Variants in FAM227B observed in about 807,000 individuals in gnomAD.
FAM227B encodes protein FAM227B.
FAM227B carries 88 observed loss-of-function variants against 73.8 expected under a neutral mutation model. The observed-to-expected ratio is 1.19, with a 90% CI of 1.00 to 1.42. The LOEUF (loss-of-function observed/expected upper bound fraction) is 1.42, where lower values mean the gene tolerates loss of function less well. Ranked by LOEUF, FAM227B falls within the 40% of genes most tolerant of loss-of-function variation. FAM227B has a pLI of 0.00. For synonymous variants in FAM227B, 210 were observed against 190.5 expected, an observed-to-expected ratio of 1.10 and a Z score of -0.84; for missense variants, 632 against 590.9, an observed-to-expected ratio of 1.07 and a Z score of -0.72.
intron 3 of FAM227B, among the ~76,000 whole-genome samples, chr15:49,593,006 A>G (rs2076673905): frequency 6.6e-6 from 1 of 152,204 alleles, no homozygotes; most frequent in Non-Finnish European, 1.5e-5. Context: ...CACAGGAGAG[A>G]ATCTCCTGGT....
chr15:49,593,585 CA>C (rs982009726), intron 3 of FAM227B, among the ~76,000 whole-genome samples: 14 of 152,104 alleles, frequency 9.2e-5, no homozygotes, highest in Middle Eastern at 6.8e-3. Context: ...TTTTGTACCT[CA>C]ACCCCCGAAC....
At chr15:49,520,670 C>A (rs1335238643) in intron 10 of FAM227B, among the ~76,000 whole-genome samples, 1 of 152,140 alleles carries the variant, frequency 6.6e-6, no homozygotes, top group Non-Finnish European at 1.5e-5. Context: ...CTTTATAAAA[C>A]CATCAGATCT....
At chr15:49,549,482 C>A (rs975063044) in intron 9 of FAM227B, among the ~76,000 whole-genome samples, 1 of 152,058 alleles carries the variant, frequency 6.6e-6, no homozygotes, top group Non-Finnish European at 1.5e-5. Context: ...CCTGGCCTTC[C>A]ACAGTGTTTG....
At chr15:49,337,508 CTTTTTTTTTTTTTT>C (rs33973907) in intron 13 of FAM227B, among the ~76,000 whole-genome samples, 1 of 36,080 alleles carries the variant, frequency 2.8e-5, no homozygotes, top group Admixed American at 3.3e-4. Context: ...CATTTACCCA[CTTTTTTTTTTTTTT>C]TTTTTTTTTT....
At chr15:49,587,191 C>A (rs372453223) in intron 5 of FAM227B, among the ~76,000 whole-genome samples, 69 of 152,134 alleles carry the variant, frequency 4.5e-4, no homozygotes, top group African/African-American at 1.6e-3. Flanking sequence ...GTATATGGAT[C>A]CAGCTGGAGG....
chr15:49,374,296 A>C (rs945900680), intron 11 of FAM227B, among the ~76,000 whole-genome samples: 1 of 152,230 alleles, frequency 6.6e-6, no homozygotes, highest in Non-Finnish European at 1.5e-5. Context: ...GTTCCAATGA[A>C]GTCTAGGAAG....
At chr15:49,557,693 G>A (rs752237717) in intron 9 of FAM227B, among the ~76,000 whole-genome samples, 6 of 152,112 alleles carry the variant, frequency 3.9e-5, no homozygotes, top group Non-Finnish European at 5.9e-5. Flanking sequence ...GGAAAGGTGA[G>A]TGAGTGAGAG....
Position 49,335,467 on chromosome 15 carries a change from A to G in FAM227B, c.1301T>C (p.Ile434Thr), listed in dbSNP as rs1596255506. 1 of 1,613,600 alleles carries G rather than the reference A, an allele frequency of 6.2e-7. No individual in the cohort carries two copies. The highest frequency in any genetic ancestry group is 1.1e-5 in the South Asian group (1 of 91,044). Reference sequence around the variant, plus strand: ...TGCAAATTGTCTTTTTGCCTCCTTTATAACATCACGGTATGTTGGAGCAGG... The same window carrying G: ...TGCAAATTGTCTTTTTGCCTCCTTTGTAACATCACGGTATGTTGGAGCAGG... ...PLPAPTYRDV[I>T]KEAKRQFARN... The change falls in exon 14 of 16, where the codon ATA becomes ACA. Residue 434 changes from isoleucine (I) to threonine (T), a missense_variant. Transcript: ENST00000299338.
chr15:49,413,517 C>A (rs1053706719), intron 11 of FAM227B, among the ~76,000 whole-genome samples: 3 of 152,044 alleles, frequency 2.0e-5, no homozygotes, highest in East Asian at 1.9e-4. Context: ...TCTAACTACT[C>A]CTTTCCATCT....
At chr15:49,574,809 A>T (rs902455705) in intron 8 of FAM227B, 4 of 321,180 alleles carry the variant, frequency 1.2e-5, no homozygotes, top group African/African-American at 8.7e-5. Flanking sequence ...AAAGATCCAG[A>T]ATCTTTTGAA....
chr15:49,562,035 A>C (rs1485435035), intron 9 of FAM227B, among the ~76,000 whole-genome samples: 1 of 152,058 alleles, frequency 6.6e-6, no homozygotes, highest in African/African-American at 2.4e-5. Context: ...CCAGAAATCC[A>C]TAAAAAGGAT....
chr15:49,491,725 A>T (rs74436576), intron 11 of FAM227B, among the ~76,000 whole-genome samples: 2,510 of 132,876 alleles, frequency 0.019, 31 homozygotes, highest in Middle Eastern at 0.043. Context: ...ACATATGCAC[A>T]CACACACACA....
chr15:49,333,233 A>G (rs2039115916), intron 14 of FAM227B, among the ~76,000 whole-genome samples: 1 of 152,174 alleles, frequency 6.6e-6, no homozygotes, highest in African/African-American at 2.4e-5. Flanking sequence ...TACATTCATG[A>G]AGTTTTATAA....
In FAM227B at chr15:49,371,306, GT is replaced by G; in HGVS notation, c.1105del (p.Thr369GlnfsTer25). 6.4e-7 allele frequency: 1 copy of G among 1,569,852 alleles called. No individual in the cohort carries two copies. The highest frequency in any genetic ancestry group is 8.7e-7 in the Non-Finnish European group (1 of 1,144,898). ...KEESRLSRLA[T>X]KSHYSSTGPE... The stretch of plus-strand genomic sequence containing the variant: ...CATAATTATTATACTCCAAACCTTT[GT>G]TGCTAGTCTTGATAATCTTGATTCT... On this transcript the variant is annotated frameshift_variant, in exon 12 of 16. Coordinates refer to ENST00000299338, the MANE Select transcript of FAM227B (RefSeq NM_152647.3). LOFTEE classifies it high-confidence loss of function.
At chr15:49,479,600 T>TTTTTTTG (rs1491415173) in intron 11 of FAM227B, among the ~76,000 whole-genome samples, 225 of 15,086 alleles carry the variant, frequency 0.015, 4 homozygotes, top group African/African-American at 0.029. Flanking sequence ...AATACCTCTG[T>TTTTTTTG]TTTTTTTTTT....
intron 11 of FAM227B, among the ~76,000 whole-genome samples, chr15:49,438,193 C>T (rs1264064554): frequency 4.0e-5 from 6 of 151,650 alleles, no homozygotes; most frequent in South Asian, 2.1e-4. Flanking sequence ...TGAAGCTTTA[C>T]CCATAGGCTA....
At chr15:49,399,122 A>C (rs951014242) in intron 11 of FAM227B, among the ~76,000 whole-genome samples, 1 of 148,172 alleles carries the variant, frequency 6.7e-6, no homozygotes, top group Non-Finnish European at 1.5e-5. Flanking sequence ...AAAGAAAAAA[A>C]GAGAGAAGAA....
rs71120696 is a variant in FAM227B at position 49,591,484 on chromosome 15, CTTT to C, written c.106-1480_106-1478del. Among the ~76,000 whole-genome samples the C allele has an allele frequency of 8.9e-3, 491 of 55,370 alleles. 2 individuals carry two copies. The highest frequency in any genetic ancestry group is 0.033 in the African/African-American group (478 of 14,646). The allele number at this position is 55,370 out of a possible 152,430, so 36.3% of individuals were successfully genotyped here. On this transcript the variant is annotated intron_variant, in intron 3 of 15. Coordinates refer to ENST00000299338, the MANE Select transcript of FAM227B (RefSeq NM_152647.3). ...AGCCACTGCACCTGGCCCTTCCTTC[CTTT>C]TTTTTTTTTTTTTTTTTTTTTGGAG...
chr15:49,569,583 A>T (rs2074942195), intron 8 of FAM227B, among the ~76,000 whole-genome samples: 1 of 152,034 alleles, frequency 6.6e-6, no homozygotes, highest in Non-Finnish European at 1.5e-5. Flanking sequence ...GAAATGATTA[A>T]ATCAAGCTAC....
Sources: allele counts gnomAD v4.1 joint callset (sites outside exome capture counted in the v4.1 genomes callset), GRCh38; gene constraint gnomAD v4.1.1; transcripts MANE v1.5; gene names NCBI Gene and HGNC (gene_info 2026-07-23, HGNC 2026-07-21).